Variants in HTR1F observed in about 807,000 individuals in gnomAD.
HTR1F encodes the protein 5-hydroxytryptamine receptor 1F.
Under a neutral mutation model 24.0 loss-of-function variants are expected in HTR1F, and 17 were observed. The ratio of observed to expected loss-of-function variants is 0.71; its 90% CI spans 0.48 to 1.06. The LOEUF is 1.06. Ranked by LOEUF, HTR1F falls within the 50% of genes least tolerant of loss-of-function variation. HTR1F has a pLI of 0.00. For missense variants in HTR1F, 391 were observed against 427.8 expected, an observed-to-expected ratio of 0.91 and a Z score of 0.76; for synonymous variants, 186 against 156.8, an observed-to-expected ratio of 1.19 and a Z score of -1.39.
chr3:87,836,313 G>GT (rs983778262), intron 2 of HTR1F, among the ~76,000 whole-genome samples: 16 of 152,098 alleles, frequency 1.1e-4, no homozygotes, highest in African/African-American at 2.9e-4. Flanking sequence ...GAGATGTTGG[G>GT]TTTTTTTGAT....
chr3:87,970,293 G>A (rs939217126), intron 2 of HTR1F, among the ~76,000 whole-genome samples: 1 of 152,298 alleles, frequency 6.6e-6, no homozygotes, highest in African/African-American at 2.4e-5. Context: ...ATCCTCTGGT[G>A]GGGGCAGGGT....
intron 2 of HTR1F, among the ~76,000 whole-genome samples, chr3:87,853,183 C>A (rs924747): frequency 6.7e-6 from 1 of 149,872 alleles, no homozygotes; most frequent in African/African-American, 2.5e-5. Context: ...AGCCTAGTAC[C>A]CATTAGTTAT....
chr3:87,890,647 A>G (rs1364015538), intron 2 of HTR1F, among the ~76,000 whole-genome samples: 2 of 151,798 alleles, frequency 1.3e-5, no homozygotes, highest in African/African-American at 4.8e-5. Context: ...TTAACTTAGT[A>G]ATCAAGATAA....
intron 2 of HTR1F, among the ~76,000 whole-genome samples, chr3:87,823,272 A>G (rs951637654): frequency 2.6e-5 from 4 of 152,192 alleles, no homozygotes; most frequent in Non-Finnish European, 5.9e-5. Context: ...GAAAATCTCA[A>G]TGGTACCCAT....
chr3:87,880,654 G>C (rs1315809737), intron 2 of HTR1F, among the ~76,000 whole-genome samples: 46 of 151,280 alleles, frequency 3.0e-4, no homozygotes, highest in African/African-American at 1.1e-3. Flanking sequence ...GTTTGTGTGT[G>C]TGTGTGTGTG....
chr3:87,948,480 T>C (rs1704761249), intron 2 of HTR1F, among the ~76,000 whole-genome samples: 1 of 152,082 alleles, frequency 6.6e-6, no homozygotes, highest in Admixed American at 6.5e-5. Context: ...AGAATTCTTT[T>C]TTATATGCTT....
chr3:87,812,146 A>G (rs562363474), intron 1 of HTR1F, among the ~76,000 whole-genome samples: 3 of 152,312 alleles, frequency 2.0e-5, no homozygotes, highest in Admixed American at 2.0e-4. Flanking sequence ...TAATTAGTAC[A>G]AAGAGTGGGG....
At chr3:87,990,214 T>C (rs544731252) in intron 2 of HTR1F, among the ~76,000 whole-genome samples, 12 of 152,312 alleles carry the variant, frequency 7.9e-5, no homozygotes, top group East Asian at 5.8e-4. Flanking sequence ...GCTTCAAGCC[T>C]AGGAAAAGCC....
chr3:87,916,648 A>G lies in HTR1F; in HGVS notation c.-42-74060A>G, dbSNP rs559637362. 5.3e-4 allele frequency among the ~76,000 whole-genome samples: 80 copies of G among 152,276 alleles called. 1 individual carries two copies. The highest frequency in any genetic ancestry group is 1.8e-3 in the African/African-American group (74 of 41,588). On this transcript the variant is annotated intron_variant, in intron 2 of 2. Coordinates refer to ENST00000319595, the MANE Select transcript of HTR1F (RefSeq NM_001322209.2). ...ACAAAGAGGGACAGTCTATGATGGTAAAAGGTCTTGTCCAACAGGAAAATA... is the reference window on the plus strand; with the variant it reads ...ACAAAGAGGGACAGTCTATGATGGTGAAAGGTCTTGTCCAACAGGAAAATA...
Position 87,888,046 on chromosome 3 carries a change from A to T in HTR1F, c.-43+65922A>T, listed in dbSNP as rs548001931. On this transcript the variant is annotated intron_variant, in intron 2 of 2. Coordinates refer to ENST00000319595, the MANE Select transcript of HTR1F (RefSeq NM_001322209.2). ...TATGTTTACTGTGGCACTGTTCACAATAGCAAAGACTTGGAACCAACCCAG... is the reference window on the plus strand; with the variant it reads ...TATGTTTACTGTGGCACTGTTCACATTAGCAAAGACTTGGAACCAACCCAG... Among the ~76,000 whole-genome samples, 149 of 152,344 alleles carry T rather than the reference A, an allele frequency of 9.8e-4. 1 individual carries two copies. Among genetic ancestry groups the T allele is most frequent in the African/African-American group, 3.3e-3 (137 of 41,572 alleles).
At chr3:87,802,794 G>C (rs1343462365) in intron 1 of HTR1F, among the ~76,000 whole-genome samples, 4 of 152,154 alleles carry the variant, frequency 2.6e-5, no homozygotes, top group Non-Finnish European at 4.4e-5. Context: ...AAATAGGTTA[G>C]TTGCATATTT....
chr3:87,984,642 A>G lies in HTR1F; in HGVS notation c.-42-6066A>G, dbSNP rs980649329. Among the ~76,000 whole-genome samples the G allele has an allele frequency of 7.9e-5, 12 of 151,936 alleles. 1 individual carries two copies. The East Asian group carries it at 1.4e-3, about 17-fold the overall frequency. ...CACACCCAGCTAATTATTTGTATTC[A>G]GAAGAGACGGGGTTTCACCATGTTA... On this transcript the variant is annotated intron_variant, in intron 2 of 2. Coordinates refer to ENST00000319595, the MANE Select transcript of HTR1F (RefSeq NM_001322209.2).
At chr3:87,879,646 A>G (rs190979890) in intron 2 of HTR1F, among the ~76,000 whole-genome samples, 110 of 152,324 alleles carry the variant, frequency 7.2e-4, no homozygotes, top group African/African-American at 2.3e-3. Flanking sequence ...TAAAATTCTT[A>G]AATTTTTAGT....
Position 87,792,748 on chromosome 3 carries a change from T to G in HTR1F, c.-254T>G, listed in dbSNP as rs559306169. 3.3e-3 allele frequency among the ~76,000 whole-genome samples: 506 copies of G among 152,294 alleles called. 3 individuals are homozygous for G. Among genetic ancestry groups the G allele is most frequent in the African/African-American group, 0.011 (463 of 41,582 alleles). On this transcript the variant is annotated 5_prime_UTR_variant, in exon 1 of 3. Transcript: ENST00000319595. ...CCCGAAAGCTGGCGACAGGCGCTGC[T>G]GTCTTCCCGCCCCGTGGGGTCGCCC...
chr3:87,800,306 C>T (rs974499746), intron 1 of HTR1F, among the ~76,000 whole-genome samples: 16 of 152,168 alleles, frequency 1.1e-4, no homozygotes, highest in South Asian at 6.2e-4. Context: ...TCCTTGCCAG[C>T]CCACTAGCTA....
At chr3:87,910,410 A>T (rs2107347934) in intron 2 of HTR1F, 1 of 152,126 alleles carries the variant, frequency 6.6e-6, no homozygotes, top group Non-Finnish European at 1.5e-5. Context: ...TCAATTCAAC[A>T]AGGAAACCTA....
At chr3:87,848,392 A>T (rs375777640) in intron 2 of HTR1F, among the ~76,000 whole-genome samples, 25 of 151,728 alleles carry the variant, frequency 1.6e-4, no homozygotes, top group East Asian at 1.4e-3. Flanking sequence ...AGTTGTTGGA[A>T]TTCCTTGTAC....
At chr3:87,845,755 A>G (rs1182231332) in intron 2 of HTR1F, among the ~76,000 whole-genome samples, 1 of 151,994 alleles carries the variant, frequency 6.6e-6, no homozygotes, top group Admixed American at 6.6e-5. Flanking sequence ...TTACCACACC[A>G]AAGTAAACAA....
In HTR1F at chr3:87,991,275, C is replaced by T; in HGVS notation, c.526C>T (p.His176Tyr). Residue 176 changes from histidine (H) to tyrosine (Y), a missense_variant, in exon 3 of 3, where the codon CAC becomes TAC. His to Tyr is a moderately conservative substitution (Grantham distance 83). Coordinates refer to ENST00000319595, the MANE Select transcript of HTR1F (RefSeq NM_001322209.2). ...TSRDDECIIK[H>Y]DHIVSTIYST... ...CAGAGATGATGAATGCATCATCAAGCACGACCACATTGTTTCCACCATTTA... is the reference window on the plus strand; with the variant it reads ...CAGAGATGATGAATGCATCATCAAGTACGACCACATTGTTTCCACCATTTA... The T allele has an allele frequency of 6.2e-7, 1 of 1,613,846 alleles. No homozygotes were observed. Among genetic ancestry groups the T allele is most frequent in the Non-Finnish European group, 8.5e-7 (1 of 1,179,838 alleles).
Sources: gnomAD v4.1 joint callset for allele counts (sites outside exome capture counted in the v4.1 genomes callset) on GRCh38, gnomAD v4.1.1 for gene constraint, MANE v1.5 for transcripts, NCBI Gene and HGNC (gene_info 2026-07-23, HGNC 2026-07-21) for gene names.